Variants in LRBA observed in about 807,000 individuals in gnomAD.
The protein encoded by LRBA is LPS responsive beige-like anchor protein, also known as lipopolysaccharide-responsive and beige-like anchor protein.
Under a neutral mutation model 330.0 loss-of-function variants are expected in LRBA, and 176 were observed. That is an observed-to-expected ratio of 0.53 (90% CI 0.47 to 0.60). The LOEUF is 0.60. LRBA is among the 20% of genes least tolerant of loss of function. LRBA has a pLI of 0.00. For synonymous variants in LRBA, 1,230 were observed against 1,193.0 expected, an observed-to-expected ratio of 1.03 and a Z score of -0.64; for missense variants, 3,259 against 3,444.8, an observed-to-expected ratio of 0.95 and a Z score of 1.35.
chr4:150,872,696 G>T lies in LRBA; in HGVS notation c.2225C>A (p.Ala742Glu). ...CAGATGTTTTAAAAAATAACCCATTGCCTTAAGAGCTTGTACCCTGATTCC... is the reference window on the plus strand; with the variant it reads ...CAGATGTTTTAAAAAATAACCCATTTCCTTAAGAGCTTGTACCCTGATTCC... ...SEGIRVQALK[A>E]MGYFLKHLAP... Residue 742 changes from alanine (A) to glutamate (E), a missense_variant, in exon 18 of 57, where the codon GCA becomes GAA. By Grantham distance (107) the Ala-to-Glu change is moderately radical. Transcript: ENST00000651943. 2.5e-6 allele frequency: 4 copies of T among 1,609,922 alleles called. No individual in the cohort carries two copies. Among genetic ancestry groups the T allele is most frequent in the Non-Finnish European group, 3.4e-6 (4 of 1,177,684 alleles).
intron 17 of LRBA, among the ~76,000 whole-genome samples, chr4:150,881,191 C>A (rs1465832473): frequency 6.6e-6 from 1 of 152,152 alleles, no homozygotes; most frequent in Non-Finnish European, 1.5e-5. Context: ...TAAAATAAAT[C>A]ATTCTACCAA....
rs988020969 is a variant in LRBA at position 150,533,086 on chromosome 4, A to G, written c.6331-42051T>C. Reference sequence around the variant, plus strand: ...TTATCTTTCTACCATCCTGAAAAAAATGTTCTTCTGAATCTAGATAACAAT... The same window carrying G: ...TTATCTTTCTACCATCCTGAAAAAAGTGTTCTTCTGAATCTAGATAACAAT... On this transcript the variant is annotated intron_variant, in intron 40 of 56. Transcript: ENST00000651943. Among the ~76,000 whole-genome samples, 4 of 152,206 alleles carry G rather than the reference A, an allele frequency of 2.6e-5. No homozygotes were observed. In the East Asian group the frequency reaches 7.7e-4, roughly 29 times the overall value.
At chr4:150,959,898 T>G (rs1040843469) in intron 2 of LRBA, among the ~76,000 whole-genome samples, 1 of 146,310 alleles carries the variant, frequency 6.8e-6, no homozygotes, top group Admixed American at 6.7e-5. Context: ...ATAAAGTGTG[T>G]GTGTGCATGT....
chr4:150,318,115 C>A (rs1258395807), intron 50 of LRBA, among the ~76,000 whole-genome samples: 1 of 152,090 alleles, frequency 6.6e-6, no homozygotes, highest in Non-Finnish European at 1.5e-5. Flanking sequence ...AGTTTGAGCC[C>A]AGGTTTTCTC....
chr4:150,586,161 C>T (rs1772089534), intron 40 of LRBA, among the ~76,000 whole-genome samples: 1 of 152,058 alleles, frequency 6.6e-6, no homozygotes, highest in Non-Finnish European at 1.5e-5. Context: ...AAAACATTTT[C>T]AAACAAACAG....
chr4:151,006,699 A>G (rs1002937760), intron 2 of LRBA, among the ~76,000 whole-genome samples: 1 of 152,204 alleles, frequency 6.6e-6, no homozygotes, highest in Admixed American at 6.5e-5. Context: ...ACAGGAAAAA[A>G]AAATCTGATT....
intron 37 of LRBA, among the ~76,000 whole-genome samples, chr4:150,635,538 A>C (rs865831439): frequency 2.6e-5 from 4 of 152,144 alleles, no homozygotes; most frequent in Admixed American, 6.5e-5. Context: ...TCATCTCCAC[A>C]GGTTTTAAGG....
chr4:150,501,717 A>G (rs1415101218), intron 40 of LRBA, among the ~76,000 whole-genome samples: 4 of 152,218 alleles, frequency 2.6e-5, no homozygotes, highest in African/African-American at 9.6e-5. Context: ...AAAAATTTTT[A>G]AAAATCAAAT....
chr4:150,622,313 A>G (rs577391953), intron 37 of LRBA, among the ~76,000 whole-genome samples: 1 of 152,366 alleles, frequency 6.6e-6, no homozygotes, highest in East Asian at 1.9e-4. Flanking sequence ...CTGAGGCAGA[A>G]GGATCACTTG....
chr4:150,879,029 GCAT>G (rs954620790), intron 17 of LRBA, among the ~76,000 whole-genome samples: 85 of 151,860 alleles, frequency 5.6e-4, no homozygotes, highest in African/African-American at 1.9e-3. Context: ...TACAAAGCCG[GCAT>G]CACCCTGATA....
chr4:150,462,332 G>A (rs1467049151), intron 44 of LRBA, among the ~76,000 whole-genome samples: 1 of 151,522 alleles, frequency 6.6e-6, no homozygotes, highest in East Asian at 1.9e-4. Context: ...GCTAAATGAG[G>A]ACTTTTGCAA....
intron 2 of LRBA, among the ~76,000 whole-genome samples, chr4:150,952,254 A>ATGTGTG (rs5862943): frequency 6.7e-6 from 1 of 150,268 alleles, no homozygotes; most frequent in Non-Finnish European, 1.5e-5. Context: ...CCTGTTGTAT[A>ATGTGTG]TGTGTGTGTG....
At chr4:150,573,735 C>T (rs1321491758) in intron 40 of LRBA, among the ~76,000 whole-genome samples, 2 of 152,152 alleles carry the variant, frequency 1.3e-5, no homozygotes, top group African/African-American at 4.8e-5. Context: ...AAACTAAGAA[C>T]ATCTGTAAAA....
At chr4:150,693,380 G>A (rs945978177) in intron 36 of LRBA, among the ~76,000 whole-genome samples, 1 of 151,402 alleles carries the variant, frequency 6.6e-6, no homozygotes, top group Non-Finnish European at 1.5e-5. Flanking sequence ...CGGCTAAAAC[G>A]GTGAAACCCC....
chr4:150,362,883 C>T lies in LRBA; in HGVS notation c.7195-12724G>A, dbSNP rs193179395. 3.6e-3 allele frequency among the ~76,000 whole-genome samples: 554 copies of T among 152,256 alleles called. 1 individual carries two copies. The highest frequency in any genetic ancestry group is 6.3e-3 in the Non-Finnish European group (431 of 68,018). The stretch of plus-strand genomic sequence containing the variant: ...CTGGGAGGCTGAGGTAGGTGGATCA[C>T]TTGAACCCAGCAGCTTGAGATCAGC... On this transcript the variant is annotated intron_variant, in intron 47 of 56. Coordinates refer to ENST00000651943, the MANE Select transcript of LRBA (RefSeq NM_001364905.1).
At chr4:150,608,040 G>T (rs1195906419) in intron 37 of LRBA, among the ~76,000 whole-genome samples, 1 of 151,762 alleles carries the variant, frequency 6.6e-6, no homozygotes, top group Non-Finnish European at 1.5e-5. Flanking sequence ...GTCTCAGGAA[G>T]AAAAAAGAAA....
At chr4:150,287,991 A>AT (rs1318054945) in intron 53 of LRBA, among the ~76,000 whole-genome samples, 27,776 of 144,684 alleles carry the variant, frequency 0.19, 3,243 homozygotes, top group Non-Finnish European at 0.28. Flanking sequence ...GGATCCACAA[A>AT]TTTTTTTTTT....
Position 150,590,719 on chromosome 4 carries a change from G to A in LRBA, c.6187C>T (p.Leu2063Phe), listed in dbSNP as rs745484264. 2.5e-6 allele frequency: 4 copies of A among 1,613,320 alleles called. No homozygotes were observed. In the South Asian group the frequency reaches 4.4e-5, roughly 18 times the overall value. ...SSVDEKDLEN[L>F]AGPVSLSTPA... Reference sequence around the variant, plus strand: ...GCACAACCACCAAATTTACCGGCAAGATTCTCTAAATCTTTCTCATCCACG... The same window carrying A: ...GCACAACCACCAAATTTACCGGCAAAATTCTCTAAATCTTTCTCATCCACG... The change falls in exon 39 of 57, where the codon CTT (leucine) becomes TTT (phenylalanine). Residue 2063 changes from leucine (L) to phenylalanine (F), a missense_variant. By Grantham distance (22) the Leu-to-Phe change is conservative (BLOSUM62 0). Transcript: ENST00000651943.
rs543546024 is a variant in LRBA, at chr4:150,562,049, C to T, written c.6330+25999G>A. On this transcript the variant is annotated intron_variant, in intron 40 of 56. Coordinates refer to ENST00000651943, the MANE Select transcript of LRBA (RefSeq NM_001364905.1). ...CTCTCTCTACCCTCAGCACCACTGA[C>T]TACCCTAGATGTCCACTATTCTCTT... is the stretch of plus-strand genomic sequence containing the variant. Among the ~76,000 whole-genome samples the T allele has an allele frequency of 1.1e-3, 165 of 152,224 alleles. 1 individual carries two copies. Among genetic ancestry groups the T allele is most frequent in the African/African-American group, 3.1e-3 (130 of 41,544 alleles).
Sources: gnomAD v4.1 joint callset for allele counts (sites outside exome capture counted in the v4.1 genomes callset) on GRCh38, gnomAD v4.1.1 for gene constraint, MANE v1.5 for transcripts, NCBI Gene and HGNC (gene_info 2026-07-23, HGNC 2026-07-21) for gene names.